The following DOCK1 variants were observed in gnomAD, a reference collection of about 807,000 sequenced individuals.
DOCK1 encodes dedicator of cytokinesis protein 1.
In DOCK1, 138 loss-of-function variants were observed where a neutral mutation model predicts 262.7. The observed-to-expected ratio is 0.53, with a 90% CI of 0.46 to 0.61. The LOEUF is 0.61. DOCK1 is among the 20% of genes least tolerant of loss of function. The pLI is 0.00. For synonymous variants in DOCK1, 866 were observed against 867.4 expected (o/e 1.00, Z 0.03); for missense variants, 1,908 against 2,370.7 (o/e 0.80, Z 4.05).
chr10:127,144,574 C>T (rs995597116), intron 27 of DOCK1, among the ~76,000 whole-genome samples: 6 of 152,282 alleles, frequency 3.9e-5, no homozygotes, highest in East Asian at 1.9e-4. Flanking sequence ...AAAGTGCTGC[C>T]GCCCTATTTT....
At chr10:126,950,985 TG>T (rs1442370040) in intron 1 of DOCK1, among the ~76,000 whole-genome samples, 1 of 152,020 alleles carries the variant, frequency 6.6e-6, no homozygotes, top group Non-Finnish European at 1.5e-5. Context: ...GTGATTGTGT[TG>T]GTAGTATTGA....
chr10:126,966,194 T>A (rs945703806), intron 1 of DOCK1, among the ~76,000 whole-genome samples: 16 of 152,270 alleles, frequency 1.1e-4, no homozygotes, highest in Non-Finnish European at 2.4e-4. Context: ...GACAAGATTC[T>A]ATTTTTTTTA....
chr10:127,309,622 T>C (rs377277507), intron 29 of DOCK1, among the ~76,000 whole-genome samples: 1 of 152,154 alleles, frequency 6.6e-6, no homozygotes, highest in Non-Finnish European at 1.5e-5. Flanking sequence ...TTGTATAAGG[T>C]GTAAGGAAGG....
chr10:127,182,453 G>A (rs771286380), intron 27 of DOCK1, among the ~76,000 whole-genome samples: 21 of 152,014 alleles, frequency 1.4e-4, no homozygotes, highest in African/African-American at 4.6e-4. Context: ...AAAGAACCAG[G>A]GAATGGCCCT....
chr10:127,028,666 G>A (rs1252273344), intron 16 of DOCK1, among the ~76,000 whole-genome samples: 1 of 152,214 alleles, frequency 6.6e-6, no homozygotes, highest in East Asian at 1.9e-4. Context: ...AGCTGCTGGG[G>A]TTTCTCCTCT....
At chr10:127,328,831 C>T (rs2062854509) in intron 29 of DOCK1, among the ~76,000 whole-genome samples, 1 of 151,954 alleles carries the variant, frequency 6.6e-6, no homozygotes, top group Non-Finnish European at 1.5e-5. Flanking sequence ...TGAGTCACAC[C>T]AATGGTACAG....
chr10:127,298,132 G>A (rs866917902), intron 29 of DOCK1, among the ~76,000 whole-genome samples: 1 of 152,146 alleles, frequency 6.6e-6, no homozygotes, highest in South Asian at 2.1e-4. Flanking sequence ...CTCGTTATGA[G>A]CACCATAATT....
At chr10:126,965,512 G>C (rs1382007581) in intron 1 of DOCK1, among the ~76,000 whole-genome samples, 1 of 152,156 alleles carries the variant, frequency 6.6e-6, no homozygotes, top group African/African-American at 2.4e-5. Flanking sequence ...GAGGGGTGAT[G>C]AAGTCTTGGG....
intron 27 of DOCK1, among the ~76,000 whole-genome samples, chr10:127,153,211 A>G (rs1463733239): frequency 6.6e-6 from 1 of 152,264 alleles, no homozygotes; most frequent in Non-Finnish European, 1.5e-5. Flanking sequence ...AAGGATAGCC[A>G]TCCTTCTGAA....
At chr10:127,429,076 A>ATGTGGATTGGGGTGCTG (rs2069099260) in intron 47 of DOCK1, among the ~76,000 whole-genome samples, 3 of 109,390 alleles carry the variant, frequency 2.7e-5, no homozygotes, top group Non-Finnish European at 4.0e-5. Context: ...TTGGGGTACC[A>ATGTGGATTGGGGTGCTG]TGTGGATTGG....
At chr10:127,110,416 C>T in intron 25 of DOCK1, 62 bp downstream of exon 25, 1 of 1,439,606 alleles carries the variant, frequency 6.9e-7, no homozygotes, top group Non-Finnish European at 9.6e-7. Flanking sequence ...GACATTGACC[C>T]TCTGAATTGC....
intron 45 of DOCK1, 118 bp downstream of exon 45, chr10:127,418,659 G>A (rs2068305672): frequency 1.5e-6 from 2 of 1,303,616 alleles, no homozygotes; most frequent in East Asian, 5.2e-5. Flanking sequence ...TCTCAGCAGT[G>A]GCCCAGCCAA....
intron 27 of DOCK1, among the ~76,000 whole-genome samples, chr10:127,171,311 C>T (rs1330345749): frequency 6.6e-6 from 1 of 152,192 alleles, no homozygotes; most frequent in Non-Finnish European, 1.5e-5. Context: ...GAAGCACTTG[C>T]CTGACAAACT....
intron 1 of DOCK1, among the ~76,000 whole-genome samples, chr10:126,951,466 GGTA>G (rs2036234741): frequency 6.6e-6 from 1 of 150,746 alleles, no homozygotes; most frequent in Non-Finnish European, 1.5e-5. Flanking sequence ...TGGTAGTAGT[GGTA>G]GTATTCGTAG....
At chr10:127,372,554 C>T (rs2065263313) in intron 33 of DOCK1, among the ~76,000 whole-genome samples, 1 of 152,228 alleles carries the variant, frequency 6.6e-6, no homozygotes, top group Non-Finnish European at 1.5e-5. Flanking sequence ...TTTATGTGCA[C>T]ACAGCACATT....
At chr10:127,404,301 A>G (rs763977016) in intron 39 of DOCK1, 24 bp from the exon 40 acceptor site, 2 of 1,599,704 alleles carry the variant, frequency 1.3e-6, no homozygotes, top group East Asian at 4.5e-5. Flanking sequence ...CAAACCTGAA[A>G]TGCATTTTCT....
At chr10:126,916,762 C>T (rs1447512026) in intron 1 of DOCK1, among the ~76,000 whole-genome samples, 11 of 150,740 alleles carry the variant, frequency 7.3e-5, no homozygotes, top group Non-Finnish European at 1.5e-5. Context: ...TTCCTGTTTG[C>T]TTGCCAGCCC....
In DOCK1 at chr10:126,954,249, GC is replaced by G. The variant is rs1277398667; in HGVS notation, c.47-16451del. On this transcript the variant is annotated intron_variant, in intron 1 of 51. Transcript: ENST00000623213. ...GGCTCAGAGCAGCACTGCTGGAGAG[GC>G]CTGCCCTTGCAGATGAGGCAGCTGA... Among the ~76,000 whole-genome samples the G allele has an allele frequency of 1.4e-4, 22 of 152,358 alleles. No homozygotes were observed. The East Asian group carries it at 4.0e-3, about 28-fold the overall frequency.
At chr10:127,268,503 C>CAGAAA (rs778776577) in intron 29 of DOCK1, among the ~76,000 whole-genome samples, 1 of 70,156 alleles carries the variant, frequency 1.4e-5, no homozygotes, top group Non-Finnish European at 2.5e-5. Context: ...GACTCCACCT[C>CAGAAA]AAAAAAAAAA....
Sources: allele counts gnomAD v4.1 joint callset (sites outside exome capture counted in the v4.1 genomes callset), GRCh38; gene constraint gnomAD v4.1.1; transcripts MANE v1.5; gene names NCBI Gene and HGNC (gene_info 2026-07-23, HGNC 2026-07-21).